Variants in UNC5C observed in about 807,000 individuals in gnomAD.
UNC5C encodes unc-5 netrin receptor C.
Under a neutral mutation model 99.8 loss-of-function variants are expected in UNC5C, and 47 were observed. That is an observed-to-expected ratio of 0.47 (90% CI 0.37 to 0.60). UNC5C has a LOEUF of 0.60. Ranked by LOEUF, UNC5C falls within the 20% of genes least tolerant of loss-of-function variation. The pLI is 0.00. For missense variants in UNC5C, 1,062 were observed against 1,165.9 expected (o/e 0.91, Z 1.30); for synonymous variants, 487 against 452.2 (o/e 1.08, Z -0.98).
At chr4:95,189,765 G>C (rs537802317) in intron 12 of UNC5C, among the ~76,000 whole-genome samples, 4 of 152,314 alleles carry the variant, frequency 2.6e-5, no homozygotes, top group Admixed American at 6.5e-5. Flanking sequence ...GGCCATCAGA[G>C]AAATGCAAAT....
intron 1 of UNC5C, among the ~76,000 whole-genome samples, chr4:95,338,827 T>G (rs1314644285): frequency 6.6e-6 from 1 of 152,068 alleles, no homozygotes; most frequent in Non-Finnish European, 1.5e-5. Context: ...ATAAGATGTT[T>G]TAACAATAGA....
chr4:95,188,083 A>C (rs1335460063), intron 12 of UNC5C, among the ~76,000 whole-genome samples: 3 of 152,222 alleles, frequency 2.0e-5, no homozygotes, highest in Admixed American at 6.5e-5. Context: ...TCCTGTATTA[A>C]TCTGTCTTAG....
chr4:95,219,338 C>A, intron 8 of UNC5C, 25 bp from the exon 9 acceptor site: 1 of 1,597,490 alleles, frequency 6.3e-7, no homozygotes, highest in Non-Finnish European at 8.5e-7. Flanking sequence ...GAAAATAATC[C>A]CATTGGCATT....
intron 1 of UNC5C, among the ~76,000 whole-genome samples, chr4:95,532,364 A>G (rs1722670096): frequency 6.6e-6 from 1 of 152,004 alleles, no homozygotes; most frequent in African/African-American, 2.4e-5. Flanking sequence ...GGAAGTTTCA[A>G]TGAACTTTAC....
At chr4:95,520,470 C>T (rs1444183344) in intron 1 of UNC5C, among the ~76,000 whole-genome samples, 1 of 152,076 alleles carries the variant, frequency 6.6e-6, no homozygotes, top group Non-Finnish European at 1.5e-5. Flanking sequence ...GATATAAATA[C>T]TTTCGCCTAA....
intron 1 of UNC5C, among the ~76,000 whole-genome samples, chr4:95,519,239 C>T (rs1032250441): frequency 1.3e-4 from 20 of 152,186 alleles, no homozygotes; most frequent in African/African-American, 4.8e-4. Flanking sequence ...GAGGCCCATT[C>T]AGCAATAGGA....
intron 1 of UNC5C, among the ~76,000 whole-genome samples, chr4:95,537,313 A>G (rs1319069544): frequency 6.6e-6 from 1 of 152,212 alleles, no homozygotes; most frequent in Non-Finnish European, 1.5e-5. Context: ...ATGCTTAAGC[A>G]GGGCTCCACT....
intron 2 of UNC5C, among the ~76,000 whole-genome samples, chr4:95,316,540 G>C (rs1742483289): frequency 6.6e-5 from 10 of 152,058 alleles, no homozygotes; most frequent in Admixed American, 6.6e-4. Flanking sequence ...TGAAAATACA[G>C]ATCAAGTGCA....
intron 1 of UNC5C, among the ~76,000 whole-genome samples, chr4:95,521,228 T>C (rs1426089839): frequency 6.7e-6 from 1 of 149,136 alleles, no homozygotes; most frequent in Non-Finnish European, 1.5e-5. Context: ...TTTTTTCTTT[T>C]TTTTTTGAGG....
At chr4:95,294,363 A>G (rs1356009596) in intron 3 of UNC5C, among the ~76,000 whole-genome samples, 3 of 152,202 alleles carry the variant, frequency 2.0e-5, no homozygotes, top group Non-Finnish European at 1.5e-5. Context: ...AGAGGAAGCC[A>G]GGAGGGGCCA....
intron 4 of UNC5C, among the ~76,000 whole-genome samples, chr4:95,270,344 G>T (rs558493067): frequency 6.6e-6 from 1 of 152,252 alleles, no homozygotes; most frequent in African/African-American, 2.4e-5. Flanking sequence ...CAGTAGGTTT[G>T]TGCAAGTCTG....
intron 1 of UNC5C, among the ~76,000 whole-genome samples, chr4:95,433,225 G>C (rs978624928): frequency 6.6e-6 from 1 of 152,052 alleles, no homozygotes; most frequent in African/African-American, 2.4e-5. Flanking sequence ...AATGTAAAAT[G>C]ATGCAAATAA....
chr4:95,510,209 CAT>C (rs562868222), intron 1 of UNC5C, among the ~76,000 whole-genome samples: 160 of 151,992 alleles, frequency 1.1e-3, no homozygotes, highest in African/African-American at 3.5e-3. Context: ...CTTTATTAGA[CAT>C]ATGTTTATTA....
chr4:95,366,815 T>C (rs1407470481), intron 1 of UNC5C, among the ~76,000 whole-genome samples: 1 of 152,166 alleles, frequency 6.6e-6, no homozygotes, highest in East Asian at 1.9e-4. Context: ...GAGGCTGTTA[T>C]TTCAAAAGAA....
At chr4:95,351,470 T>A (rs1743988964) in intron 1 of UNC5C, among the ~76,000 whole-genome samples, 1 of 152,048 alleles carries the variant, frequency 6.6e-6, no homozygotes, top group South Asian at 2.1e-4. Flanking sequence ...GAAATGTGCA[T>A]ATTTAAAAAC....
intron 1 of UNC5C, among the ~76,000 whole-genome samples, chr4:95,395,381 C>A (rs1430106482): frequency 1.3e-5 from 2 of 152,176 alleles, no homozygotes; most frequent in East Asian, 3.9e-4. Flanking sequence ...TAACTTTATT[C>A]TTATATGTCA....
intron 2 of UNC5C, among the ~76,000 whole-genome samples, chr4:95,307,936 A>T (rs886516905): frequency 1.3e-5 from 2 of 152,158 alleles, no homozygotes; most frequent in Non-Finnish European, 2.9e-5. Context: ...AATGAGAAAA[A>T]CTCTCAACAA....
chr4:95,184,659 G>C (rs144416362), intron 13 of UNC5C, among the ~76,000 whole-genome samples: 1 of 152,100 alleles, frequency 6.6e-6, no homozygotes, highest in African/African-American at 2.4e-5. Context: ...CAATGTAAGG[G>C]TACTGGCCTA....
intron 2 of UNC5C, among the ~76,000 whole-genome samples, chr4:95,327,756 A>G (rs1742944611): frequency 6.6e-6 from 1 of 152,084 alleles, no homozygotes; most frequent in African/African-American, 2.4e-5. Context: ...TCACAGAAAG[A>G]TCACCTTCTT....
Sources: gnomAD v4.1 joint callset for allele counts (sites outside exome capture counted in the v4.1 genomes callset) on GRCh38, gnomAD v4.1.1 for gene constraint, MANE v1.5 for transcripts, NCBI Gene and HGNC (gene_info 2026-07-23, HGNC 2026-07-21) for gene names.